RAPGEF2: variants seen among roughly 807,000 people sequenced by gnomAD.
RAPGEF2 encodes Rap guanine nucleotide exchange factor 2.
In RAPGEF2, 54 loss-of-function variants were observed where a neutral mutation model predicts 186.7. The ratio of observed to expected loss-of-function variants is 0.29; its 90% CI spans 0.23 to 0.36. The LOEUF is 0.36. RAPGEF2 is among the 10% of genes least tolerant of loss of function. RAPGEF2 has a pLI of 1.00. For synonymous variants in RAPGEF2, 712 were observed against 705.9 expected (o/e 1.01, Z -0.14); for missense variants, 1,532 against 2,045.0 (o/e 0.75, Z 4.84).
intron 18 of RAPGEF2, among the ~76,000 whole-genome samples, 157 bp from the exon 19 acceptor site, chr4:159,338,957 A>G (rs943150203): frequency 6.6e-6 from 1 of 152,222 alleles, no homozygotes; most frequent in African/African-American, 2.4e-5. Flanking sequence ...GCAAAACAGC[A>G]TGTAGATTGA....
chr4:159,197,489 A>T (rs866551137), intron 3 of RAPGEF2, among the ~76,000 whole-genome samples: 2 of 152,238 alleles, frequency 1.3e-5, no homozygotes, highest in South Asian at 2.1e-4. Context: ...TGTTTTCCAC[A>T]TACATGTGAA....
rs548159339 is a variant in RAPGEF2 at position 159,104,124 on chromosome 4, C to T, written c.-39C>T. ...GGCGCTGGGCCGGGAGGAGGCCGGC[C>T]AGGGTGCGGAGCGGCCCCGGCCCGC... On this transcript the variant is annotated 5_prime_UTR_variant, in exon 1 of 30. Coordinates refer to ENST00000691494, the MANE Select transcript of RAPGEF2 (RefSeq NM_001394067.2). The T allele has an allele frequency of 7.1e-7, 1 of 1,408,690 alleles. No homozygotes were observed. Among genetic ancestry groups the T allele is most frequent in the African/African-American group, 1.5e-5 (1 of 67,416 alleles). The allele number at this position is 1,408,690 out of a possible 1,614,324, so 87.3% of individuals were successfully genotyped here. A position where few individuals can be genotyped will look rare whatever the true frequency, so the allele number is the denominator to read the frequency against.
At chr4:159,300,439 C>T (rs1018766961) in intron 7 of RAPGEF2, among the ~76,000 whole-genome samples, 4 of 151,030 alleles carry the variant, frequency 2.6e-5, no homozygotes, top group Admixed American at 6.6e-5. Context: ...TTTATATAAT[C>T]GAATATTAAA....
intron 2 of RAPGEF2, among the ~76,000 whole-genome samples, chr4:159,188,674 AAAAAG>A (rs1747803931): frequency 6.6e-6 from 1 of 151,824 alleles, no homozygotes; most frequent in Non-Finnish European, 1.5e-5. Context: ...AAAAAAAAAA[AAAAAG>A]AAAAGAAAAA....
intron 4 of RAPGEF2, among the ~76,000 whole-genome samples, chr4:159,237,875 A>G (rs1020009119): frequency 7.3e-6 from 1 of 137,898 alleles, no homozygotes; most frequent in Non-Finnish European, 1.5e-5. Flanking sequence ...AAAAAAAGCC[A>G]GGTATGGTGG....
intron 1 of RAPGEF2, among the ~76,000 whole-genome samples, chr4:159,143,350 T>C (rs1315862631): frequency 2.0e-5 from 3 of 152,204 alleles, no homozygotes; most frequent in Non-Finnish European, 2.9e-5. Flanking sequence ...GTTTAGGTCT[T>C]AGTCTTCCCT....
intron 4 of RAPGEF2, among the ~76,000 whole-genome samples, chr4:159,223,762 C>T (rs866328671): frequency 5.3e-5 from 8 of 152,158 alleles, no homozygotes; most frequent in Non-Finnish European, 1.0e-4. Context: ...TTAGTTATTA[C>T]TCAGAATCGT....
intron 7 of RAPGEF2, among the ~76,000 whole-genome samples, chr4:159,259,837 A>G (rs1756595727): frequency 1.3e-5 from 2 of 152,178 alleles, no homozygotes; most frequent in South Asian, 4.1e-4. Context: ...AAATACTTCT[A>G]TAAAACTATC....
At chr4:159,321,452 C>T (rs1351565214) in intron 9 of RAPGEF2, among the ~76,000 whole-genome samples, 1 of 152,128 alleles carries the variant, frequency 6.6e-6, no homozygotes, top group African/African-American at 2.4e-5. Context: ...AAGCAATCCT[C>T]CTGCCTCAGC....
At chr4:159,233,155 T>C (rs1049576752) in intron 4 of RAPGEF2, among the ~76,000 whole-genome samples, 1 of 152,208 alleles carries the variant, frequency 6.6e-6, no homozygotes, top group African/African-American at 2.4e-5. Flanking sequence ...GTTTTTAATT[T>C]TGATGAAATT....
intron 1 of RAPGEF2, among the ~76,000 whole-genome samples, chr4:159,174,835 T>C (rs1360508835): frequency 6.6e-6 from 1 of 151,818 alleles, no homozygotes; most frequent in African/African-American, 2.4e-5. Context: ...CAGCACACTG[T>C]AGCCTTAACT....
At chr4:159,168,909 C>T (rs1447523780) in intron 1 of RAPGEF2, among the ~76,000 whole-genome samples, 1 of 152,182 alleles carries the variant, frequency 6.6e-6, no homozygotes, top group Non-Finnish European at 1.5e-5. Context: ...TGGAAGAAAG[C>T]ATTTGTGAAT....
intron 1 of RAPGEF2, among the ~76,000 whole-genome samples, chr4:159,141,540 A>G (rs945239605): frequency 1.3e-5 from 2 of 152,062 alleles, no homozygotes; most frequent in Non-Finnish European, 2.9e-5. Flanking sequence ...GAGTAGATGC[A>G]TAGCTTAGGT....
At chr4:159,211,924 T>C (rs1750572729) in intron 4 of RAPGEF2, among the ~76,000 whole-genome samples, 1 of 152,166 alleles carries the variant, frequency 6.6e-6, no homozygotes, top group Admixed American at 6.5e-5. Flanking sequence ...GTAGTAAAGA[T>C]AGTAATAATT....
At chr4:159,350,414 T>G in intron 26 of RAPGEF2, 125 bp downstream of exon 26, 3 of 731,182 alleles carry the variant, frequency 4.1e-6, no homozygotes, top group Non-Finnish European at 5.9e-6. Context: ...TCATTTGCAA[T>G]GCCCAATGGA....
At position 159,332,474 on chromosome 4, in the gene RAPGEF2, T is replaced by C. The variant is rs371106771; in HGVS notation, c.1912T>C (p.Leu638=). The change falls in exon 17 of 30, where the codon TTG becomes CTG. Residue 638 remains leucine (L), a synonymous_variant. Coordinates refer to ENST00000691494, the MANE Select transcript of RAPGEF2 (RefSeq NM_001394067.2). ...LFVFKELLTR[L]SEEKRNGAPH... ...AGTATTTAAAGAACTTCTAACAAGA[T>C]TGTCAGAAGAGAAAAGAAATGGTGC... 47 of 1,612,862 alleles carry C rather than the reference T, an allele frequency of 2.9e-5. No individual in the cohort carries two copies. Among genetic ancestry groups the C allele is most frequent in the Non-Finnish European group, 3.8e-5 (45 of 1,179,508 alleles).
rs1766649355 is a variant in RAPGEF2 at position 159,331,304 on chromosome 4, GTTAAT to G, written c.1468-123_1468-119del. 8 of 583,704 alleles carry G rather than the reference GTTAAT, an allele frequency of 1.4e-5. No homozygotes were observed. In the South Asian group the frequency reaches 2.2e-4, roughly 16 times the overall value. The allele number at this position is 583,704 out of a possible 1,614,324, so 36.2% of individuals were successfully genotyped here. ...CATCCTCATTTAAGATTTTATTATT[GTTAAT>G]TTATTTTCCTGTTTATTATTATTAG... On this transcript the variant is annotated intron_variant, in intron 13 of 29. Coordinates refer to ENST00000691494, the MANE Select transcript of RAPGEF2 (RefSeq NM_001394067.2).
intron 4 of RAPGEF2, among the ~76,000 whole-genome samples, chr4:159,219,667 T>TC (rs1318677420): frequency 6.6e-6 from 1 of 152,142 alleles, no homozygotes; most frequent in Non-Finnish European, 1.5e-5. Context: ...AACTTTATCT[T>TC]TGAAGAATTG....
intron 7 of RAPGEF2, among the ~76,000 whole-genome samples, chr4:159,246,270 A>G (rs984643906): frequency 1.4e-4 from 22 of 152,144 alleles, no homozygotes; most frequent in African/African-American, 4.6e-4. Flanking sequence ...ACTACATAAG[A>G]TTAAATTAAT....
Sources: allele counts gnomAD v4.1 joint callset (sites outside exome capture counted in the v4.1 genomes callset), GRCh38; gene constraint gnomAD v4.1.1; transcripts MANE v1.5; gene names NCBI Gene and HGNC (gene_info 2026-07-23, HGNC 2026-07-21).